The following COL9A1 variants were observed in gnomAD, a reference collection of about 807,000 sequenced individuals.
COL9A1 encodes collagen type IX alpha 1 chain, also known as collagen alpha-1(IX) chain.
Under a neutral mutation model 142.6 loss-of-function variants are expected in COL9A1, and 104 were observed. That is an observed-to-expected ratio of 0.73 (90% CI 0.62 to 0.86). The LOEUF (loss-of-function observed/expected upper bound fraction) is 0.86, where lower values mean the gene tolerates loss of function less well. Ranked by LOEUF, COL9A1 falls within the 40% of genes least tolerant of loss-of-function variation. The pLI is 0.00. For missense variants in COL9A1, 1,210 were observed against 1,176.6 expected (o/e 1.03, Z -0.42); for synonymous variants, 466 against 396.0 (o/e 1.18, Z -2.10).
rs202034701 is a variant in COL9A1 at position 70,268,853 on chromosome 6, T to C, written c.1238A>G (p.Asn413Ser). 1.2e-5 allele frequency: 20 copies of C among 1,613,870 alleles called. No individual in the cohort carries two copies. The highest frequency in any genetic ancestry group is 3.3e-5 in the Admixed American group (2 of 60,024). Residue 413 changes from asparagine (N) to serine (S), a missense_variant, in exon 17 of 38, where the codon AAT (asparagine) becomes AGT (serine). Asn to Ser is a conservative substitution (Grantham distance 46). Transcript: ENST00000357250. ...GFHDGDPLCP[N>S]ACPPGRSGYP... ...TCCTGAGCGACCTGGTGGACAGGCA[T>C]TGGGACACTGCCAGGGAGAGAGGGA... is the stretch of plus-strand genomic sequence containing the variant.
intron 34 of COL9A1, 55 bp downstream of exon 34, chr6:70,234,739 G>A (rs10945205): frequency 6.2e-7 from 1 of 1,611,092 alleles, no homozygotes; most frequent in African/African-American, 1.3e-5. Flanking sequence ...GAACAGCCCT[G>A]CTGCTGTGGG....
intron 33 of COL9A1, among the ~76,000 whole-genome samples, chr6:70,236,213 A>G (rs1769903222): frequency 6.6e-6 from 1 of 152,136 alleles, no homozygotes; most frequent in African/African-American, 2.4e-5. Context: ...AAGAAGTTAA[A>G]AGTAAACCAT....
intron 28 of COL9A1, among the ~76,000 whole-genome samples, chr6:70,247,899 C>T (rs1343676573): frequency 6.6e-6 from 1 of 152,118 alleles, no homozygotes; most frequent in Admixed American, 6.5e-5. Context: ...GGGAGGGTGG[C>T]TTAGATCTTT....
In COL9A1 at chr6:70,297,384, G is replaced by A. The variant is rs113700094; in HGVS notation, c.299+2659C>T. Among the ~76,000 whole-genome samples, 207 of 152,084 alleles carry A rather than the reference G, an allele frequency of 1.4e-3. 1 individual carries two copies. Among genetic ancestry groups the A allele is most frequent in the African/African-American group, 4.8e-3 (200 of 41,520 alleles). ...TTAGATTATCATGTTATTGATCTTTGATCCTTTAAACTAGGCTAGTATAGT... is the reference window on the plus strand; with the variant it reads ...TTAGATTATCATGTTATTGATCTTTAATCCTTTAAACTAGGCTAGTATAGT... On this transcript the variant is annotated intron_variant, in intron 4 of 37. Transcript: ENST00000357250.
intron 36 of COL9A1, among the ~76,000 whole-genome samples, chr6:70,227,315 A>C (rs533802264): frequency 1.3e-5 from 2 of 151,760 alleles, no homozygotes; most frequent in African/African-American, 2.4e-5. Flanking sequence ...ACAGCAAAAA[A>C]ATGACCAAAA....
intron 4 of COL9A1, among the ~76,000 whole-genome samples, chr6:70,299,473 C>T (rs1773973594): frequency 6.6e-6 from 1 of 152,038 alleles, no homozygotes; most frequent in Admixed American, 6.6e-5. Flanking sequence ...ACTAAAGTAC[C>T]TCAGTTTTAA....
chr6:70,260,487 G>T (rs1037348833), intron 20 of COL9A1, among the ~76,000 whole-genome samples, 170 bp downstream of exon 20: 2 of 150,100 alleles, frequency 1.3e-5, no homozygotes, highest in Non-Finnish European at 2.9e-5. Context: ...GGCAGAGGTT[G>T]CAGTGAGCCA....
chr6:70,260,221 T>C (rs1438924615), intron 20 of COL9A1, among the ~76,000 whole-genome samples: 1 of 152,168 alleles, frequency 6.6e-6, no homozygotes, highest in Non-Finnish European at 1.5e-5. Context: ...GAAAACCTAA[T>C]CACACATCTA....
intron 4 of COL9A1, 41 bp from the exon 5 acceptor site, chr6:70,294,604 C>T (rs201736248): frequency 2.5e-6 from 4 of 1,594,040 alleles, no homozygotes; most frequent in Non-Finnish European, 3.4e-6. Flanking sequence ...ATCTTGTTTC[C>T]TGTACCCATA....
At chr6:70,264,400 G>C (rs1771884788) in intron 18 of COL9A1, among the ~76,000 whole-genome samples, 1 of 151,842 alleles carries the variant, frequency 6.6e-6, no homozygotes, top group Non-Finnish European at 1.5e-5. Context: ...ATACATATTG[G>C]TTTTAGCCTC....
At position 70,256,815 on chromosome 6, in the gene COL9A1, G is replaced by C. The variant is rs752641733; in HGVS notation, c.1456C>G (p.Arg486Gly). ...GGCCCAGGTTCACCATCTAAGCCCCGAGCACCCTGCAAAAAAACAAGACAA... is the reference window on the plus strand; with the variant it reads ...GGCCCAGGTTCACCATCTAAGCCCCCAGCACCCTGCAAAAAAACAAGACAA... ...IVGDKGEKGA[R>G]GLDGEPGPQG... Residue 486 changes from arginine (R) to glycine (G), a missense_variant, in exon 21 of 38, where the codon CGG becomes GGG. Coordinates refer to ENST00000357250, the MANE Select transcript of COL9A1 (RefSeq NM_001851.6). The C allele has an allele frequency of 1.2e-6, 2 of 1,613,260 alleles. No homozygotes were observed. Among genetic ancestry groups the C allele is most frequent in the South Asian group, 1.1e-5 (1 of 91,016 alleles).
chr6:70,296,006 G>C (rs1420655968), intron 4 of COL9A1, among the ~76,000 whole-genome samples: 1 of 152,110 alleles, frequency 6.6e-6, no homozygotes, highest in Non-Finnish European at 1.5e-5. Flanking sequence ...TCAAATTCTT[G>C]TTATGTAGCC....
At chr6:70,235,050 C>T (rs564450628) in intron 33 of COL9A1, 110 bp from the exon 34 acceptor site, 3 of 1,334,062 alleles carry the variant, frequency 2.2e-6, no homozygotes, top group African/African-American at 2.9e-5. Context: ...ACTCTGCATC[C>T]TAACAGGTGT....
intron 28 of COL9A1, among the ~76,000 whole-genome samples, chr6:70,251,826 A>G (rs1770964293): frequency 1.3e-5 from 2 of 152,258 alleles, no homozygotes; most frequent in Admixed American, 1.3e-4. Context: ...TGAATTATAT[A>G]GTATGTGAAT....
rs916996831 is a variant in COL9A1, at chr6:70,271,817, G to A, written c.1090-109C>T. Reference sequence around the variant, plus strand: ...AGATTTACATTTCTGTATTAGCTTTGGTTTCCAATGACACAATAACTCATT... The same window carrying A: ...AGATTTACATTTCTGTATTAGCTTTAGTTTCCAATGACACAATAACTCATT... On this transcript the variant is annotated intron_variant, in intron 13 of 37. Transcript: ENST00000357250. 1.4e-4 allele frequency: 164 copies of A among 1,169,444 alleles called. 1 individual carries two copies. The highest frequency in any genetic ancestry group is 3.9e-4 in the Middle Eastern group (2 of 5,108). 72.4% of individuals were successfully genotyped at this position (1,169,444 alleles called of 1,614,324 possible).
chr6:70,277,957 A>G (rs145452739), intron 10 of COL9A1, among the ~76,000 whole-genome samples: 1 of 152,240 alleles, frequency 6.6e-6, no homozygotes, highest in African/African-American at 2.4e-5. Context: ...ACAAACAAAC[A>G]GCAAATTCTG....
chr6:70,221,595 T>A (rs1195093653), intron 37 of COL9A1, among the ~76,000 whole-genome samples: 1 of 152,152 alleles, frequency 6.6e-6, no homozygotes, highest in Non-Finnish European at 1.5e-5. Flanking sequence ...TCTTATAACC[T>A]AGCATAGTCC....
intron 37 of COL9A1, among the ~76,000 whole-genome samples, chr6:70,217,961 T>C (rs1447888132): frequency 6.6e-6 from 1 of 152,068 alleles, no homozygotes; most frequent in Non-Finnish European, 1.5e-5. Context: ...GCCAAAATGG[T>C]GAAACCTCAT....
At chr6:70,281,106 A>T in intron 8 of COL9A1, 67 bp from the exon 9 acceptor site, 1 of 1,363,500 alleles carries the variant, frequency 7.3e-7, no homozygotes, top group East Asian at 2.3e-5. Flanking sequence ...CCACTGGGAC[A>T]ATCCCAGGAG....
Sources: gnomAD v4.1 joint callset for allele counts (sites outside exome capture counted in the v4.1 genomes callset) on GRCh38, gnomAD v4.1.1 for gene constraint, MANE v1.5 for transcripts, NCBI Gene and HGNC (gene_info 2026-07-23, HGNC 2026-07-21) for gene names.